The following ABCD3 variants were observed in gnomAD, a reference collection of about 807,000 sequenced individuals.
The protein encoded by ABCD3 is ATP binding cassette subfamily D member 3, also known as ATP-binding cassette sub-family D member 3.
ABCD3 carries 41 observed loss-of-function variants against 105.5 expected under a neutral mutation model. That is an observed-to-expected ratio of 0.39 (90% CI 0.30 to 0.50). The LOEUF is 0.50. ABCD3 is among the 20% of genes least tolerant of loss of function. The pLI, the probability that ABCD3 is intolerant of heterozygous loss-of-function variation, is 0.84. For missense variants in ABCD3, 622 were observed against 806.3 expected (o/e 0.77, Z 2.77); for synonymous variants, 258 against 269.0 (o/e 0.96, Z 0.40).
At chr1:94,461,172 TTTAA>T (rs1246489642) in intron 2 of ABCD3, among the ~76,000 whole-genome samples, 2 of 152,084 alleles carry the variant, frequency 1.3e-5, no homozygotes, top group African/African-American at 4.8e-5. Context: ...AGGCAGTAGG[TTTAA>T]TTTTCTTATT....
At position 94,517,716 on chromosome 1, in the gene ABCD3, A is replaced by G. The variant is rs1480842655; in HGVS notation, c.*587A>G. 1 of 155,630 alleles carries G rather than the reference A, an allele frequency of 6.4e-6. No homozygotes were observed. The highest frequency in any genetic ancestry group is 2.4e-5 in the African/African-American group (1 of 41,412). The allele number at this position is 155,630 out of a possible 1,614,324, so 9.6% of individuals were successfully genotyped here. ...TCTTGGAGTGCATTTGACTCCAGGA[A>G]AAGCCATTTTGGTTTTCCTTAACTA... On this transcript the variant is annotated 3_prime_UTR_variant, in exon 23 of 23. Coordinates refer to ENST00000370214, the MANE Select transcript of ABCD3 (RefSeq NM_002858.4).
At position 94,450,499 on chromosome 1, in the gene ABCD3, A is replaced by T. The variant is rs375988247; in HGVS notation, c.111-8108A>T. On this transcript the variant is annotated intron_variant, in intron 1 of 22. Transcript: ENST00000370214. ...CGCTTAAGGCTTTCTTAAACCACAA[A>T]CAATAGCATGAGCGATCTGTGCCTT... Among the ~76,000 whole-genome samples the T allele has an allele frequency of 1.2e-4, 18 of 152,384 alleles. No individual in the cohort carries two copies. In the South Asian group the frequency reaches 1.4e-3, roughly 12 times the overall value.
At chr1:94,419,528 A>G (rs1445254522) in intron 1 of ABCD3, among the ~76,000 whole-genome samples, 5 of 152,184 alleles carry the variant, frequency 3.3e-5, no homozygotes, top group African/African-American at 7.2e-5. Flanking sequence ...CTACTTCCCA[A>G]GCGTTCTTGC....
the ABCD3 span, among the ~76,000 whole-genome samples, chr1:94,405,030 C>G: frequency 1.3e-5 from 2 of 151,400 alleles, no homozygotes; most frequent in Non-Finnish European, 2.9e-5. Context: ...TGTGTATATA[C>G]CAAAGATTAA....
chr1:94,481,094 C>T (rs1047548912), intron 9 of ABCD3, among the ~76,000 whole-genome samples: 3 of 152,184 alleles, frequency 2.0e-5, no homozygotes, highest in Non-Finnish European at 4.4e-5. Context: ...ACCTCTTCCA[C>T]TTATCAGTTG....
rs58959540 is a variant in ABCD3, at chr1:94,438,301, TACACACACACACACACACAC to T, written c.110+19737_110+19756del. ...ACTCCATCACACACACACACACACA[TACACACACACACACACACAC>T]ACACACACACACACACACACACAAA... On this transcript the variant is annotated intron_variant, in intron 1 of 22. Transcript: ENST00000370214. Among the ~76,000 whole-genome samples the T allele has an allele frequency of 5.5e-5, 7 of 128,286 alleles. No individual in the cohort carries two copies. The South Asian group carries it at 1.6e-3, about 29-fold the overall frequency. The allele number at this position is 128,286 out of a possible 152,430, so 84.2% of individuals were successfully genotyped here.
chr1:94,496,708 T>G (rs1238979313), intron 16 of ABCD3, among the ~76,000 whole-genome samples: 4 of 136,602 alleles, frequency 2.9e-5, no homozygotes, highest in Admixed American at 7.6e-5. Context: ...TTTTTTTTTT[T>G]TTTTTTTTTT....
At chr1:94,453,579 A>G (rs578109791) in intron 1 of ABCD3, among the ~76,000 whole-genome samples, 58 of 152,002 alleles carry the variant, frequency 3.8e-4, no homozygotes, top group Non-Finnish European at 7.4e-4. Context: ...CGGCCTCCCA[A>G]AGTGCTGGGA....
At chr1:94,429,290 T>C (rs1436419711) in intron 1 of ABCD3, among the ~76,000 whole-genome samples, 2 of 152,082 alleles carry the variant, frequency 1.3e-5, no homozygotes, top group African/African-American at 4.8e-5. Flanking sequence ...TTCAGAAAAT[T>C]TGCAGCCTGA....
chr1:94,476,786 A>G (rs1648763554), intron 7 of ABCD3, among the ~76,000 whole-genome samples: 1 of 152,142 alleles, frequency 6.6e-6, no homozygotes, highest in South Asian at 2.1e-4. Flanking sequence ...AGCCTTTGCT[A>G]ACTGATCCCA....
chr1:94,396,321 G>A, the ABCD3 span, among the ~76,000 whole-genome samples: 1 of 152,168 alleles, frequency 6.6e-6, no homozygotes, highest in African/African-American at 2.4e-5. Context: ...ATAAACAGAA[G>A]CTGTAATTAT....
intron 16 of ABCD3, among the ~76,000 whole-genome samples, chr1:94,496,968 A>G (rs1462360112): frequency 6.6e-5 from 10 of 151,808 alleles, no homozygotes; most frequent in Non-Finnish European, 1.5e-4. Context: ...GGGTTTTACC[A>G]TGTTGGCCAG....
At chr1:94,437,548 C>T (rs554592093) in intron 1 of ABCD3, among the ~76,000 whole-genome samples, 1 of 152,270 alleles carries the variant, frequency 6.6e-6, no homozygotes, top group Admixed American at 6.5e-5. Flanking sequence ...TGTTACTGCT[C>T]ATTGTCAATG....
chr1:94,505,797 C>T (rs936231675), intron 20 of ABCD3, among the ~76,000 whole-genome samples: 1 of 152,058 alleles, frequency 6.6e-6, no homozygotes, highest in African/African-American at 2.4e-5. Context: ...ATGGAGTGGT[C>T]TTCTAAAGAG....
At chr1:94,398,892 G>A in the ABCD3 span, among the ~76,000 whole-genome samples, 12 of 151,680 alleles carry the variant, frequency 7.9e-5, no homozygotes, top group African/African-American at 1.9e-4. Flanking sequence ...CCAGCCCGGC[G>A]ACAGACTGAC....
chr1:94,439,229 TACTC>T lies in ABCD3; in HGVS notation c.111-19377_111-19374del, dbSNP rs1660043952. On this transcript the variant is annotated intron_variant, in intron 1 of 22. Transcript: ENST00000370214. The stretch of plus-strand genomic sequence containing the variant: ...CTCTTCTTGAATATCTTAAATATGT[TACTC>T]TATTGTTTTCTGACACTGAGGGTTG... Among the ~76,000 whole-genome samples the T allele has an allele frequency of 2.0e-5, 3 of 152,220 alleles. No homozygotes were observed. The South Asian group carries it at 6.2e-4, about 32-fold the overall frequency.
chr1:94,419,312 A>T (rs1295041954), intron 1 of ABCD3: 1 of 985,054 alleles, frequency 1.0e-6, no homozygotes, highest in African/African-American at 1.8e-5. Context: ...GAAAGATGAG[A>T]GTGTGGTTTA....
the ABCD3 span, among the ~76,000 whole-genome samples, chr1:94,407,679 C>T: frequency 1.3e-5 from 2 of 152,138 alleles, no homozygotes; most frequent in South Asian, 2.1e-4. Context: ...ATCTGGATCT[C>T]GAGTTTGTTC....
rs545637744 is a variant in ABCD3 at position 94,458,772 on chromosome 1, A to G, written c.147+129A>G. ...TTAAAAATACTCCAGTCTTCTACAC[A>G]TTACAGGAATACTCTCTGAAATAGG... On this transcript the variant is annotated intron_variant, in intron 2 of 22. Transcript: ENST00000370214. 23 of 865,410 alleles carry G rather than the reference A, an allele frequency of 2.7e-5. No individual in the cohort carries two copies. The East Asian group carries it at 5.0e-4, about 19-fold the overall frequency. The allele number at this position is 865,410 out of a possible 1,614,324, so 53.6% of individuals were successfully genotyped here.
Sources: gnomAD v4.1 joint callset for allele counts (sites outside exome capture counted in the v4.1 genomes callset) on GRCh38, gnomAD v4.1.1 for gene constraint, MANE v1.5 for transcripts, NCBI Gene and HGNC (gene_info 2026-07-23, HGNC 2026-07-21) for gene names.